MYBPC2: variants seen among roughly 807,000 people sequenced by gnomAD.
MYBPC2 encodes myosin-binding protein C, fast-type.
Under a neutral mutation model 137.0 loss-of-function variants are expected in MYBPC2, and 122 were observed. The ratio of observed to expected loss-of-function variants is 0.89; its 90% CI spans 0.77 to 1.03. MYBPC2 has a LOEUF of 1.03. Among genes scored for constraint, MYBPC2 ranks in the 50% least tolerant of loss-of-function variants. The pLI is 0.00. For missense variants in MYBPC2, 1,500 were observed against 1,534.4 expected (o/e 0.98, Z 0.37); for synonymous variants, 626 against 612.3 (o/e 1.02, Z -0.33).
chr19:50,446,122 G>GC (rs2039803699), intron 12 of MYBPC2, 70 bp downstream of exon 12: 6 of 1,513,330 alleles, frequency 4.0e-6, no homozygotes, highest in Admixed American at 4.1e-5. Context: ...GGTTGCTCAG[G>GC]CCCCCCAGTC....
At position 50,438,194 on chromosome 19, in the gene MYBPC2, C is replaced by A. The variant is rs13346583; in HGVS notation, c.572+476C>A. ...ACCTGCCCAGTTGCCAATCTATCTA[C>A]CCACATATCCATCCGTTAACCACCA... On this transcript the variant is annotated intron_variant, in intron 7 of 27. Transcript: ENST00000357701. 7.7e-3 allele frequency among the ~76,000 whole-genome samples: 1,167 copies of A among 152,288 alleles called. 19 individuals carry two copies. The highest frequency in any genetic ancestry group is 0.027 in the African/African-American group (1,112 of 41,556).
intron 7 of MYBPC2, among the ~76,000 whole-genome samples, chr19:50,439,682 C>T (rs2039733912): frequency 6.6e-6 from 1 of 152,160 alleles, no homozygotes; most frequent in Admixed American, 6.5e-5. Context: ...CTACTAGGTC[C>T]TGGGCTGAGA....
intron 24 of MYBPC2, among the ~76,000 whole-genome samples, chr19:50,461,266 A>G (rs561021751): frequency 6.6e-6 from 1 of 152,062 alleles, no homozygotes; most frequent in South Asian, 2.1e-4. Context: ...CGGCCTCCCA[A>G]AGAGCTGGGA....
chr19:50,456,681 C>T (rs569338636), intron 20 of MYBPC2, among the ~76,000 whole-genome samples: 1 of 152,244 alleles, frequency 6.6e-6, no homozygotes, highest in Admixed American at 6.5e-5. Context: ...CGTGATCCAC[C>T]TGCCTCGGCC....
intron 8 of MYBPC2, among the ~76,000 whole-genome samples, chr19:50,441,640 G>A (rs1212946803): frequency 1.3e-5 from 2 of 152,030 alleles, no homozygotes; most frequent in African/African-American, 4.8e-5. Context: ...AGGAGTTCGA[G>A]ACCAGCCTGG....
chr19:50,459,400 T>G (rs1222828422), intron 23 of MYBPC2, 94 bp downstream of exon 23: 22 of 1,001,790 alleles, frequency 2.2e-5, no homozygotes, highest in Admixed American at 1.6e-4. Flanking sequence ...GGGAAGGAGG[T>G]GGGAGATGAA....
At chr19:50,458,836 C>T in intron 21 of MYBPC2, 82 bp downstream of exon 21, 1 of 1,594,538 alleles carries the variant, frequency 6.3e-7, no homozygotes, top group Admixed American at 1.7e-5. Flanking sequence ...GACAGGACCT[C>T]CCCAGAGAGC....
Position 50,466,072 on chromosome 19 carries a change from TG to T in MYBPC2, c.3416-119del. 1.4e-6 allele frequency: 2 copies of T among 1,380,164 alleles called. No individual in the cohort carries two copies. The highest frequency in any genetic ancestry group is 2.4e-5 in the East Asian group (1 of 41,358). The allele number at this position is 1,380,164 out of a possible 1,614,324, so 85.5% of individuals were successfully genotyped here. ...GTTGTCCAGCCACAGTGGCCTAGGA[TG>T]GGGCGGGATGGTGACCGTCATCCTG... On this transcript the variant is annotated intron_variant, in intron 27 of 27. Transcript: ENST00000357701. The surrounding 1 kb of genome is among the most constrained non-coding windows in gnomAD (Gnocchi z 4.9).
At chr19:50,437,383 A>C in intron 5 of MYBPC2, 90 bp from the exon 6 acceptor site, 7 of 1,355,408 alleles carry the variant, frequency 5.2e-6, no homozygotes, top group Non-Finnish European at 7.2e-6. Context: ...GGGGCCTGGA[A>C]GAGGTTGTGC....
At chr19:50,451,132 G>A (rs2039853303) in intron 14 of MYBPC2, 148 bp from the exon 15 acceptor site, 1 of 1,066,848 alleles carries the variant, frequency 9.4e-7, no homozygotes, top group Non-Finnish European at 1.4e-6. Context: ...CCCGGGAGGA[G>A]GGGTGGCTCC....
At chr19:50,464,295 T>C (rs1427267442) in intron 26 of MYBPC2, 51 bp from the exon 27 acceptor site, 1 of 1,507,190 alleles carries the variant, frequency 6.6e-7, no homozygotes, top group Admixed American at 2.1e-5. Flanking sequence ...TTTGTCATCA[T>C]TGCCCAGGGT....
chr19:50,466,295 G>A lies in MYBPC2; in HGVS notation c.*90G>A, dbSNP rs1336039784. The A allele has an allele frequency of 3.8e-6, 6 of 1,567,426 alleles. No homozygotes were observed. Among genetic ancestry groups the A allele is most frequent in the Middle Eastern group, 3.3e-4 (2 of 5,988 alleles). On this transcript the variant is annotated 3_prime_UTR_variant, in exon 28 of 28. Transcript: ENST00000357701. The surrounding 1 kb of genome is among the most constrained non-coding windows in gnomAD (Gnocchi z 4.9). ...GGACTGTGTTCTTTCTGGAGTTTTCGCTGAGAACAAAACAGTGTTGTCTGG... is the reference window on the plus strand; with the variant it reads ...GGACTGTGTTCTTTCTGGAGTTTTCACTGAGAACAAAACAGTGTTGTCTGG...
rs1212437734 is a variant in MYBPC2, at chr19:50,460,075, G to A, written c.2827G>A (p.Glu943Lys). The change falls in exon 24 of 28, where the codon GAG (glutamate) becomes AAG (lysine). Residue 943 changes from glutamate to lysine, a missense_variant. By Grantham distance (56) the Glu-to-Lys change is moderately conservative (BLOSUM62 1). Coordinates refer to ENST00000357701, the MANE Select transcript of MYBPC2 (RefSeq NM_004533.4). The part of the protein sequence containing the change: ...AGPPINVMVK[E>K]VWGTNALVEW... Reference sequence around the variant, plus strand: ...GCCCCCCATAAACGTGATGGTGAAGGAGGTGTGGGGCACGAACGCGCTGGT... The same window carrying A: ...GCCCCCCATAAACGTGATGGTGAAGAAGGTGTGGGGCACGAACGCGCTGGT... 2.6e-6 allele frequency: 4 copies of A among 1,562,414 alleles called. No homozygotes were observed. The highest frequency in any genetic ancestry group is 3.5e-6 in the Non-Finnish European group (4 of 1,153,586).
Position 50,443,532 on chromosome 19 carries a change from C to T in MYBPC2, c.941C>T (p.Thr314Ile). Residue 314 changes from threonine to isoleucine, a missense_variant, in exon 10 of 28, where the codon ACC becomes ATC. Physicochemically the swap from Thr to Ile is moderately conservative, Grantham distance 89 (BLOSUM62 -1). Transcript: ENST00000357701. ...FENVGKKRIL[T>I]INKCTLADDA... ...AACGTTGGTAAGAAGCGAATTCTTA[C>T]CATCAACAAGTGCACGCTGGCGGAT... The T allele has an allele frequency of 6.2e-7, 1 of 1,613,160 alleles. No homozygotes were observed. Among genetic ancestry groups the T allele is most frequent in the Non-Finnish European group, 8.5e-7 (1 of 1,179,598 alleles).
At chr19:50,456,493 C>A (rs2039916057) in intron 20 of MYBPC2, among the ~76,000 whole-genome samples, 2 of 147,468 alleles carry the variant, frequency 1.4e-5, no homozygotes, top group South Asian at 4.2e-4. Context: ...AGTGCAGTGG[C>A]ACGATTGGCT....
At position 50,466,183 on chromosome 19, in the gene MYBPC2, G is replaced by C; in HGVS notation, c.3416-12G>C. 6.2e-7 allele frequency: 1 copy of C among 1,613,702 alleles called. No homozygotes were observed. Among genetic ancestry groups the C allele is most frequent in the South Asian group, 1.1e-5 (1 of 91,052 alleles). ...CCGGGCCTGGCTCACCCGCTTTCTC[G>C]TTTTCCTGCAGTGCCGCAGTGAGAC... On this transcript the variant is annotated splice_polypyrimidine_tract_variant and intron_variant, in intron 27 of 27. Coordinates refer to ENST00000357701, the MANE Select transcript of MYBPC2 (RefSeq NM_004533.4). The surrounding 1 kb of genome is among the most constrained non-coding windows in gnomAD (Gnocchi z 4.9).
intron 11 of MYBPC2, among the ~76,000 whole-genome samples, chr19:50,444,618 C>T (rs975197975): frequency 2.6e-5 from 4 of 152,050 alleles, no homozygotes; most frequent in Admixed American, 6.6e-5. Context: ...CGGTGGCTCA[C>T]GCCTGTAATC....
intron 9 of MYBPC2, among the ~76,000 whole-genome samples, chr19:50,442,690 C>T (rs1166914355): frequency 1.3e-5 from 2 of 151,976 alleles, no homozygotes; most frequent in Non-Finnish European, 2.9e-5. Context: ...TGAGATCTCG[C>T]CACTGCACTC....
Position 50,460,176 on chromosome 19 carries a change from C to A in MYBPC2, c.2928C>A (p.Thr976=), listed in dbSNP as rs1568669159. The A allele has an allele frequency of 3.7e-6, 6 of 1,603,226 alleles. No homozygotes were observed. Among genetic ancestry groups the A allele is most frequent in the Non-Finnish European group, 5.1e-6 (6 of 1,174,920 alleles). ...TCGTCCAGAAAGCAGACAAAAAAACCATGGTGAGAGAGCAGAGGGGGAGAT... is the reference window on the plus strand; with the variant it reads ...TCGTCCAGAAAGCAGACAAAAAAACAATGGTGAGAGAGCAGAGGGGGAGAT... ...GYFVQKADKK[T]MEWFNVYERN... is the part of the protein sequence containing the mutation. Residue 976 remains threonine (T), a synonymous_variant, in exon 24 of 28, where the codon ACC becomes ACA. Coordinates refer to ENST00000357701, the MANE Select transcript of MYBPC2 (RefSeq NM_004533.4).
Sources: allele counts gnomAD v4.1 joint callset (sites outside exome capture counted in the v4.1 genomes callset), GRCh38; gene constraint gnomAD v4.1.1; non-coding constraint Gnocchi (gnomAD v3.1); transcripts MANE v1.5; gene names NCBI Gene and HGNC (gene_info 2026-07-23, HGNC 2026-07-21).